Variants in RAB3GAP1 observed in about 807,000 individuals in gnomAD.
The protein encoded by RAB3GAP1 is RAB3 GTPase activating protein catalytic subunit 1, also known as rab3 GTPase-activating protein catalytic subunit.
In RAB3GAP1, 86 loss-of-function variants were observed where a neutral mutation model predicts 130.7. The observed-to-expected ratio is 0.66, with a 90% CI of 0.55 to 0.79. The LOEUF is 0.79. Ranked by LOEUF, RAB3GAP1 falls within the 30% of genes least tolerant of loss-of-function variation. RAB3GAP1 has a pLI of 0.00. For missense variants in RAB3GAP1, 1,029 were observed against 1,169.4 expected (o/e 0.88, Z 1.75); for synonymous variants, 367 against 401.7 (o/e 0.91, Z 1.03).
intron 5 of RAB3GAP1, among the ~76,000 whole-genome samples, chr2:135,106,237 G>A (rs1397897088): frequency 6.6e-6 from 1 of 152,198 alleles, no homozygotes; most frequent in East Asian, 1.9e-4. Flanking sequence ...CTGCCTGGCC[G>A]CCACCCCGTC....
intron 19 of RAB3GAP1, among the ~76,000 whole-genome samples, chr2:135,157,187 T>C (rs1029473845): frequency 1.3e-5 from 2 of 152,134 alleles, no homozygotes; most frequent in Non-Finnish European, 2.9e-5. Context: ...CTAATTATTT[T>C]TCTTAATTTT....
intron 23 of RAB3GAP1, among the ~76,000 whole-genome samples, chr2:135,167,406 C>T (rs1692688087): frequency 6.7e-6 from 1 of 150,186 alleles, no homozygotes. Context: ...ATCATAATTC[C>T]CAGTAAAAGA....
chr2:135,145,447 T>C (rs1691967791), intron 17 of RAB3GAP1, among the ~76,000 whole-genome samples: 1 of 151,860 alleles, frequency 6.6e-6, no homozygotes, highest in African/African-American at 2.4e-5. Context: ...GTAATTATTC[T>C]AATTTTATGT....
Position 135,135,620 on chromosome 2 carries a change from T to G in RAB3GAP1, c.1611T>G (p.Ser537Arg). 6.2e-7 allele frequency: 1 copy of G among 1,611,022 alleles called. No homozygotes were observed. Among genetic ancestry groups the G allele is most frequent in the Admixed American group, 1.7e-5 (1 of 59,388 alleles). ...KKARDEGKKT[S>R]ASDVTNIYPG... ...CACGTGATGAGGGGAAAAAGACAAG[T>G]GCTTCAGATGTCACTAATATATATC... Residue 537 changes from serine (S) to arginine (R), a missense_variant, in exon 17 of 24, where the codon AGT becomes AGG. By Grantham distance (110) the Ser-to-Arg change is moderately radical (BLOSUM62 -1). Coordinates refer to ENST00000264158, the MANE Select transcript of RAB3GAP1 (RefSeq NM_012233.3).
chr2:135,154,790 G>T (rs1015704913), intron 19 of RAB3GAP1, among the ~76,000 whole-genome samples: 13 of 152,058 alleles, frequency 8.5e-5, no homozygotes, highest in African/African-American at 3.1e-4. Context: ...TACAAAGAAG[G>T]AGTGGATGGG....
At chr2:135,062,499 C>T (rs1487601138) in intron 3 of RAB3GAP1, among the ~76,000 whole-genome samples, 2 of 152,128 alleles carry the variant, frequency 1.3e-5, no homozygotes, top group African/African-American at 4.8e-5. Flanking sequence ...TGTTGTTTTC[C>T]CAAGATTTTA....
intron 5 of RAB3GAP1, among the ~76,000 whole-genome samples, chr2:135,112,702 A>T (rs1690840612): frequency 6.6e-6 from 1 of 152,198 alleles, no homozygotes; most frequent in Non-Finnish European, 1.5e-5. Context: ...GGCAACAATA[A>T]CATCAATATT....
intron 17 of RAB3GAP1, among the ~76,000 whole-genome samples, chr2:135,141,628 G>A (rs1691843550): frequency 6.6e-6 from 1 of 152,006 alleles, no homozygotes; most frequent in Non-Finnish European, 1.5e-5. Flanking sequence ...TTTGTGTTCT[G>A]CTTAAGAACT....
At chr2:135,104,496 G>A (rs1037879556) in intron 5 of RAB3GAP1, among the ~76,000 whole-genome samples, 1 of 151,986 alleles carries the variant, frequency 6.6e-6, no homozygotes, top group Non-Finnish European at 1.5e-5. Flanking sequence ...GAAGGAAAGG[G>A]TTTTCAAAGA....
intron 3 of RAB3GAP1, among the ~76,000 whole-genome samples, chr2:135,078,821 G>A (rs930286921): frequency 9.6e-4 from 145 of 150,936 alleles, no homozygotes; most frequent in African/African-American, 3.1e-3. Context: ...CTGGGACCAC[G>A]GGCATGTGCC....
At chr2:135,127,509 AT>A (rs1480991829) in intron 11 of RAB3GAP1, among the ~76,000 whole-genome samples, 1 of 150,912 alleles carries the variant, frequency 6.6e-6, no homozygotes, top group Non-Finnish European at 1.5e-5. Context: ...ACGCCCTTTA[AT>A]TTTTTGTGTT....
intron 19 of RAB3GAP1, among the ~76,000 whole-genome samples, chr2:135,155,626 T>C (rs1692289249): frequency 6.6e-6 from 1 of 152,030 alleles, no homozygotes; most frequent in Admixed American, 6.6e-5. Flanking sequence ...TTAAACAATA[T>C]GGGTGAAAGG....
downstream of RAB3GAP1, among the ~76,000 whole-genome samples, chr2:135,171,013 G>A (rs1692835728): frequency 6.6e-6 from 1 of 152,074 alleles, no homozygotes; most frequent in Admixed American, 6.6e-5. Context: ...TTCTTGCCAG[G>A]AGCCTTGAAG....
intron 19 of RAB3GAP1, among the ~76,000 whole-genome samples, chr2:135,157,146 T>C (rs1174911653): frequency 6.6e-6 from 1 of 152,168 alleles, no homozygotes; most frequent in Non-Finnish European, 1.5e-5. Flanking sequence ...CCCTAGTAGC[T>C]AGGACTACAG....
At chr2:135,055,266 G>A (rs965711704) in intron 2 of RAB3GAP1, among the ~76,000 whole-genome samples, 1 of 152,150 alleles carries the variant, frequency 6.6e-6, no homozygotes, top group African/African-American at 2.4e-5. Context: ...TTCATTTCCT[G>A]AGAGCTTTTA....
chr2:135,117,690 T>G (rs911282914), intron 7 of RAB3GAP1, among the ~76,000 whole-genome samples: 398 of 134,350 alleles, frequency 3.0e-3, no homozygotes, highest in African/African-American at 0.011. Flanking sequence ...TTCTGCTTCT[T>G]CTTCTGCTTC....
At chr2:135,104,563 C>T (rs1690537019) in intron 5 of RAB3GAP1, among the ~76,000 whole-genome samples, 1 of 151,918 alleles carries the variant, frequency 6.6e-6, no homozygotes, top group African/African-American at 2.4e-5. Flanking sequence ...AATAAAGAAC[C>T]AAATGGCGGC....
At chr2:135,123,020 T>C (rs1691247041) in intron 8 of RAB3GAP1, among the ~76,000 whole-genome samples, 1 of 152,168 alleles carries the variant, frequency 6.6e-6, no homozygotes. Flanking sequence ...TGAGCCACCG[T>C]GCCCAGCCCA....
intron 17 of RAB3GAP1, among the ~76,000 whole-genome samples, chr2:135,146,939 T>G (rs145459213): frequency 9.2e-5 from 14 of 151,862 alleles, no homozygotes; most frequent in African/African-American, 3.4e-4. Context: ...ACATTCAGTA[T>G]GTTGATTATG....
Sources: allele counts gnomAD v4.1 joint callset (sites outside exome capture counted in the v4.1 genomes callset), GRCh38; gene constraint gnomAD v4.1.1; transcripts MANE v1.5; gene names NCBI Gene and HGNC (gene_info 2026-07-23, HGNC 2026-07-21).